Variants in RHOA observed in about 807,000 individuals in gnomAD.
RHOA encodes the protein ras homolog family member A.
A neutral mutation model predicts 17.5 loss-of-function variants in RHOA; 3 were observed. That is an observed-to-expected ratio of 0.17 (90% CI 0.08 to 0.44). The LOEUF (loss-of-function observed/expected upper bound fraction) is 0.44, where lower values mean the gene tolerates loss of function less well. RHOA is among the 20% of genes least tolerant of loss of function. RHOA has a pLI of 0.99. For synonymous variants in RHOA, 98 were observed against 88.4 expected (o/e 1.11, Z -0.61); for missense variants, 56 against 242.3 (o/e 0.23, Z 5.10).
In RHOA at chr3:49,383,052, C is replaced by G. The variant is rs941812159; in HGVS notation, c.-2-7461G>C. ...CTGGGCGACAAGAGCAAAACTCCAT[C>G]GTATCAGAAAAAAAAAAAGAAAAAG... On this transcript the variant is annotated intron_variant, in intron 1 of 4. Coordinates refer to ENST00000418115, the MANE Select transcript of RHOA (RefSeq NM_001664.4). Among the ~76,000 whole-genome samples the G allele has an allele frequency of 2.0e-5, 3 of 148,550 alleles. No homozygotes were observed. The Admixed American group carries it at 2.0e-4, about 10-fold the overall frequency.
chr3:49,375,396 T>C lies in RHOA; in HGVS notation c.156+38A>G, dbSNP rs1452869148. ...TACATGCTCCATAAATATTCTAACA[T>C]GGAAAATGGCATCAGTTGTTATGAA... On this transcript the variant is annotated intron_variant, in intron 2 of 4. Transcript: ENST00000418115. The C allele has an allele frequency of 4.4e-6, 7 of 1,576,036 alleles. No homozygotes were observed. In the South Asian group the frequency reaches 4.6e-5, roughly 10 times the overall value.
At chr3:49,392,215 T>C (rs1456559483) in intron 1 of RHOA, among the ~76,000 whole-genome samples, 1 of 152,166 alleles carries the variant, frequency 6.6e-6, no homozygotes, top group Non-Finnish European at 1.5e-5. Context: ...CCAGGATGTC[T>C]GAGGCCAGGA....
intron 1 of RHOA, among the ~76,000 whole-genome samples, chr3:49,384,709 T>C (rs1356686002): frequency 6.6e-6 from 1 of 152,076 alleles, no homozygotes; most frequent in Middle Eastern, 3.2e-3. Context: ...AGTTTCACCA[T>C]GTTGCCCAGG....
chr3:49,406,520 T>C (rs1417720910), intron 1 of RHOA, among the ~76,000 whole-genome samples: 1 of 152,198 alleles, frequency 6.6e-6, no homozygotes, highest in Non-Finnish European at 1.5e-5. Context: ...ACGCCCGTAA[T>C]CCCAGCAGGA....
intron 1 of RHOA, among the ~76,000 whole-genome samples, chr3:49,389,438 C>A (rs1224100938): frequency 6.6e-6 from 1 of 152,142 alleles, no homozygotes; most frequent in Admixed American, 6.6e-5. Context: ...GAGGAACCTG[C>A]TGTGCTTCTC....
chr3:49,403,050 A>G (rs2048751967), intron 1 of RHOA, among the ~76,000 whole-genome samples: 1 of 151,310 alleles, frequency 6.6e-6, no homozygotes, highest in Admixed American at 6.6e-5. Context: ...AAAAAAAAAA[A>G]AAAGAAACCC....
intron 1 of RHOA, among the ~76,000 whole-genome samples, chr3:49,408,210 G>T (rs968400877): frequency 6.7e-6 from 1 of 148,260 alleles, no homozygotes; most frequent in Non-Finnish European, 1.5e-5. Flanking sequence ...ATACACACAC[G>T]TATATGTACA....
intron 1 of RHOA, among the ~76,000 whole-genome samples, chr3:49,409,640 G>T (rs979512190): frequency 4.6e-5 from 7 of 152,208 alleles, no homozygotes; most frequent in Non-Finnish European, 5.9e-5. Context: ...TCCAGTCACT[G>T]CATGGACTCC....
chr3:49,382,701 A>G (rs2048336853), intron 1 of RHOA, among the ~76,000 whole-genome samples: 1 of 152,178 alleles, frequency 6.6e-6, no homozygotes, highest in Non-Finnish European at 1.5e-5. Context: ...CTTTTGCCCA[A>G]AGTCAAACAA....
intron 1 of RHOA, among the ~76,000 whole-genome samples, chr3:49,402,803 C>T (rs2048747227): frequency 6.6e-6 from 1 of 151,644 alleles, no homozygotes; most frequent in Admixed American, 6.6e-5. Flanking sequence ...TTTGGGAGAC[C>T]GAGGCAGGAG....
intron 1 of RHOA, among the ~76,000 whole-genome samples, chr3:49,408,313 CAT>C (rs759538170): frequency 1.2e-4 from 18 of 151,478 alleles, no homozygotes; most frequent in South Asian, 6.3e-4. Flanking sequence ...CACACACACA[CAT>C]ATGCTTAAAT....
intron 4 of RHOA, among the ~76,000 whole-genome samples, chr3:49,361,483 T>C (rs1490093038): frequency 1.3e-5 from 2 of 152,200 alleles, no homozygotes; most frequent in African/African-American, 4.8e-5. Flanking sequence ...GCATTAGGGC[T>C]TTCTATCTGG....
chr3:49,359,829 A>T lies in RHOA; in HGVS notation c.*380T>A, dbSNP rs1284532224. On this transcript the variant is annotated 3_prime_UTR_variant, in exon 5 of 5. Coordinates refer to ENST00000418115, the MANE Select transcript of RHOA (RefSeq NM_001664.4). ...TAAAGCCCTGAAGTGGTGACTCACCAGAGTACCTTGCAGCTGACAGATAAT... is the reference window on the plus strand; with the variant it reads ...TAAAGCCCTGAAGTGGTGACTCACCTGAGTACCTTGCAGCTGACAGATAAT... The T allele has an allele frequency of 2.0e-5, 5 of 250,742 alleles. No individual in the cohort carries two copies. The highest frequency in any genetic ancestry group is 3.9e-5 in the Non-Finnish European group (5 of 128,266). The allele number at this position is 250,742 out of a possible 1,614,324, so 15.5% of individuals were successfully genotyped here.
At position 49,372,103 on chromosome 3, in the gene RHOA, T is replaced by C. The variant is rs149675955; in HGVS notation, c.156+3331A>G. On this transcript the variant is annotated intron_variant, in intron 2 of 4. Transcript: ENST00000418115. ...CCCCAAGCCAATGGATCTTTCTATG[T>C]ATGGTGCATCAATCTAAGTTAGGTA... is the stretch of plus-strand genomic sequence containing the variant. Among the ~76,000 whole-genome samples the C allele has an allele frequency of 1.2e-4, 18 of 152,320 alleles. No individual in the cohort carries two copies. The East Asian group carries it at 3.5e-3, about 29-fold the overall frequency.
At chr3:49,392,583 T>C (rs1023605259) in intron 1 of RHOA, among the ~76,000 whole-genome samples, 8 of 152,136 alleles carry the variant, frequency 5.3e-5, no homozygotes, top group African/African-American at 1.9e-4. Flanking sequence ...TGAGCTCAAG[T>C]CATCTGCCTG....
At chr3:49,360,953 AC>A in intron 4 of RHOA, 1 of 360,266 alleles carries the variant, frequency 2.8e-6, no homozygotes, top group Non-Finnish European at 5.5e-6. Context: ...GGCGCCTGTA[AC>A]CCCAGCTACT....
intron 1 of RHOA, among the ~76,000 whole-genome samples, chr3:49,387,706 C>T (rs1347911092): frequency 1.3e-5 from 2 of 149,522 alleles, no homozygotes; most frequent in Non-Finnish European, 1.5e-5. Flanking sequence ...ACCACTGCAC[C>T]CCAGCCCGGG....
At chr3:49,371,560 G>A (rs2048147721) in intron 2 of RHOA, among the ~76,000 whole-genome samples, 2 of 152,120 alleles carry the variant, frequency 1.3e-5, no homozygotes, top group African/African-American at 2.4e-5. Flanking sequence ...GATTACAGGT[G>A]TGAGCTACGA....
At chr3:49,386,139 C>T (rs894330595) in intron 1 of RHOA, among the ~76,000 whole-genome samples, 1 of 152,182 alleles carries the variant, frequency 6.6e-6, no homozygotes, top group African/African-American at 2.4e-5. Context: ...ATAGGAATTA[C>T]ACTGAATCTA....
Sources: gnomAD v4.1 joint callset for allele counts (sites outside exome capture counted in the v4.1 genomes callset) on GRCh38, gnomAD v4.1.1 for gene constraint, MANE v1.5 for transcripts, NCBI Gene and HGNC (gene_info 2026-07-23, HGNC 2026-07-21) for gene names.